NEK1: variants seen among roughly 807,000 people sequenced by gnomAD.
The protein encoded by NEK1 is serine/threonine-protein kinase Nek1.
NEK1 carries 137 observed loss-of-function variants against 182.1 expected under a neutral mutation model. The ratio of observed to expected loss-of-function variants is 0.75; its 90% CI spans 0.65 to 0.87. The LOEUF (loss-of-function observed/expected upper bound fraction) is 0.87. Among genes scored for constraint, NEK1 ranks in the 40% least tolerant of loss-of-function variants. The pLI, the probability that NEK1 is intolerant of heterozygous loss-of-function variation, is 0.00. For synonymous variants in NEK1, 513 were observed against 492.2 expected (o/e 1.04, Z -0.56); for missense variants, 1,391 against 1,494.4 (o/e 0.93, Z 1.14).
At chr4:169,437,580 A>G (rs1438219359) in intron 28 of NEK1, among the ~76,000 whole-genome samples, 1 of 152,180 alleles carries the variant, frequency 6.6e-6, no homozygotes, top group African/African-American at 2.4e-5. Flanking sequence ...ATCAGCTTTT[A>G]AGAGTACAAG....
chr4:169,438,446 CATA>C (rs1394369822), intron 27 of NEK1, among the ~76,000 whole-genome samples, 187 bp from the exon 28 acceptor site: 2 of 152,208 alleles, frequency 1.3e-5, no homozygotes, highest in African/African-American at 4.8e-5. Context: ...TTCAATTGTA[CATA>C]ATAATTTCTA....
intron 31 of NEK1, among the ~76,000 whole-genome samples, chr4:169,408,709 G>A (rs141850487): frequency 1.4e-4 from 22 of 152,210 alleles, no homozygotes; most frequent in African/African-American, 4.1e-4. Flanking sequence ...ACTTATCAAT[G>A]AGAACATACG....
At chr4:169,563,833 T>C (rs1292084850) in intron 12 of NEK1, among the ~76,000 whole-genome samples, 1 of 152,202 alleles carries the variant, frequency 6.6e-6, no homozygotes, top group African/African-American at 2.4e-5. Context: ...TCTACTGAGA[T>C]GATTTTTATA....
intron 31 of NEK1, among the ~76,000 whole-genome samples, chr4:169,415,682 C>T (rs967401066): frequency 6.6e-6 from 1 of 152,114 alleles, no homozygotes; most frequent in African/African-American, 2.4e-5. Context: ...ACTGCTTATT[C>T]CAGGCCTATC....
At chr4:169,537,978 A>G in intron 18 of NEK1, 67 bp from the exon 19 acceptor site, 1 of 1,146,342 alleles carries the variant, frequency 8.7e-7, no homozygotes, top group African/African-American at 1.6e-5. Context: ...TAAAAATTAC[A>G]TTTATCCTAA....
chr4:169,526,347 C>T (rs1756897139), intron 19 of NEK1, among the ~76,000 whole-genome samples: 1 of 151,998 alleles, frequency 6.6e-6, no homozygotes, highest in African/African-American at 2.4e-5. Context: ...AAATTAGCCA[C>T]GCATGATGGC....
intron 23 of NEK1, among the ~76,000 whole-genome samples, chr4:169,505,479 A>G (rs1229883629): frequency 1.3e-5 from 2 of 152,360 alleles, no homozygotes; most frequent in Non-Finnish European, 2.9e-5. Flanking sequence ...AGCATATAAT[A>G]CACATAACAT....
chr4:169,410,961 T>G (rs1341563190), intron 31 of NEK1, among the ~76,000 whole-genome samples: 1 of 152,244 alleles, frequency 6.6e-6, no homozygotes, highest in Non-Finnish European at 1.5e-5. Context: ...GTGTCCTTCC[T>G]GTTCTCTTTC....
intron 19 of NEK1, among the ~76,000 whole-genome samples, chr4:169,530,035 A>G (rs188665524): frequency 1.2e-4 from 18 of 152,170 alleles, no homozygotes; most frequent in Middle Eastern, 3.4e-3. Flanking sequence ...CAGCAGACCC[A>G]CTCCTGGGTA....
intron 9 of NEK1, among the ~76,000 whole-genome samples, chr4:169,586,197 A>C (rs1051881662): frequency 6.6e-6 from 1 of 152,098 alleles, no homozygotes; most frequent in African/African-American, 2.4e-5. Flanking sequence ...AAAGAGGGCA[A>C]TATTAAGCTT....
At chr4:169,584,904 G>A (rs542235111) in intron 10 of NEK1, among the ~76,000 whole-genome samples, 1 of 152,240 alleles carries the variant, frequency 6.6e-6, no homozygotes, top group South Asian at 2.1e-4. Context: ...AGAATGGAAA[G>A]GCTGGGCGAA....
intron 2 of NEK1, among the ~76,000 whole-genome samples, chr4:169,606,471 C>A (rs1771353528): frequency 6.6e-6 from 1 of 151,988 alleles, no homozygotes; most frequent in Non-Finnish European, 1.5e-5. Context: ...AGAAACAAGT[C>A]AATTCCCACC....
At chr4:169,583,112 G>T (rs1183208802) in intron 10 of NEK1, among the ~76,000 whole-genome samples, 2 of 151,990 alleles carry the variant, frequency 1.3e-5, no homozygotes, top group Non-Finnish European at 2.9e-5. Flanking sequence ...TAAAGCTCAT[G>T]AATTGTTTCA....
intron 18 of NEK1, among the ~76,000 whole-genome samples, chr4:169,546,303 T>C (rs186986340): frequency 8.8e-4 from 134 of 152,306 alleles, no homozygotes; most frequent in African/African-American, 3.1e-3. Context: ...TTTGAGTGAG[T>C]TTCTTAATCC....
intron 2 of NEK1, among the ~76,000 whole-genome samples, chr4:169,607,624 G>A (rs1382804325): frequency 6.6e-6 from 1 of 151,860 alleles, no homozygotes; most frequent in Admixed American, 6.6e-5. Flanking sequence ...CACCACGCCC[G>A]GCTAATTTTT....
Position 169,400,521 on chromosome 4 carries a change from CT to C in NEK1, c.3713del (p.Lys1238ArgfsTer17), listed in dbSNP as rs866203266. On this transcript the variant is annotated frameshift_variant and splice_region_variant, in exon 34 of 36. Coordinates refer to ENST00000507142, the MANE Select transcript of NEK1 (RefSeq NM_001199397.3). LOFTEE classifies it high-confidence loss of function. ...EKFFEVYEKI[K>X]AIHEDEDENI... ...GTGTTTTAATTGACTTTTCACTTACCTTTATTTTCTCATAAACCTCAAAGAA... is the reference window on the plus strand; with the variant it reads ...GTGTTTTAATTGACTTTTCACTTACCTTATTTTCTCATAAACCTCAAAGAA... The C allele has an allele frequency of 1.3e-6, 2 of 1,596,158 alleles. No homozygotes were observed. Among genetic ancestry groups the C allele is most frequent in the African/African-American group, 2.7e-5 (2 of 74,130 alleles).
chr4:169,436,334 C>A (rs189669523), intron 28 of NEK1, among the ~76,000 whole-genome samples: 2 of 152,092 alleles, frequency 1.3e-5, no homozygotes, highest in Non-Finnish European at 2.9e-5. Flanking sequence ...TTTGGGACTG[C>A]GGAGCAGGCA....
rs1428580848 is a variant in NEK1, at chr4:169,608,516, T to TA, written c.-49+3503dup. Among the ~76,000 whole-genome samples the TA allele has an allele frequency of 3.3e-5, 5 of 152,160 alleles. No homozygotes were observed. The East Asian group carries it at 7.7e-4, about 23-fold the overall frequency. ...AAACATGGGAGAATGACTTCTGTCTTAGAGTGGTTAGCTGAAGCACAACAC... is the reference window on the plus strand; with the variant it reads ...AAACATGGGAGAATGACTTCTGTCTTAAGAGTGGTTAGCTGAAGCACAACAC... On this transcript the variant is annotated intron_variant, in intron 2 of 35. Transcript: ENST00000507142.
intron 27 of NEK1, among the ~76,000 whole-genome samples, chr4:169,450,328 A>C (rs1741467829): frequency 6.6e-6 from 1 of 152,194 alleles, no homozygotes; most frequent in Admixed American, 6.5e-5. Context: ...AATACAGAGA[A>C]CACCACAAAG....
Sources: allele counts gnomAD v4.1 joint callset (sites outside exome capture counted in the v4.1 genomes callset), GRCh38; gene constraint gnomAD v4.1.1; transcripts MANE v1.5; gene names NCBI Gene and HGNC (gene_info 2026-07-23, HGNC 2026-07-21).